SPIDR: variants seen among roughly 807,000 people sequenced by gnomAD.
SPIDR encodes the protein DNA repair-scaffolding protein.
In SPIDR, 93 loss-of-function variants were observed where a neutral mutation model predicts 104.6. The ratio of observed to expected loss-of-function variants is 0.89; its 90% confidence interval spans 0.75 to 1.06. The LOEUF (loss-of-function observed/expected upper bound fraction) is 1.06, where lower values mean the gene tolerates loss of function less well. SPIDR is among the 50% of genes least tolerant of loss of function. SPIDR has a pLI of 0.00. For missense variants in SPIDR, 1,154 were observed against 1,111.2 expected (o/e 1.04, Z -0.55); for synonymous variants, 431 against 416.9 (o/e 1.03, Z -0.41).
At chr8:47,447,909 C>T (rs1307219426) in intron 8 of SPIDR, among the ~76,000 whole-genome samples, 1 of 152,114 alleles carries the variant, frequency 6.6e-6, no homozygotes, top group Non-Finnish European at 1.5e-5. Context: ...AAGGTATGCA[C>T]TTTTTTTAGA....
intron 10 of SPIDR, among the ~76,000 whole-genome samples, chr8:47,644,032 A>G (rs930530689): frequency 2.0e-5 from 3 of 152,210 alleles, no homozygotes; most frequent in Non-Finnish European, 4.4e-5. Context: ...TCTGGAACTT[A>G]CGGGCTGTAC....
intron 8 of SPIDR, chr8:47,511,453 G>T (rs543324403): frequency 2.4e-5 from 19 of 783,092 alleles, no homozygotes; most frequent in Non-Finnish European, 4.0e-5. Flanking sequence ...ATCCAAGTTC[G>T]CCTGTCCACT....
chr8:47,432,369 C>T (rs535271057), intron 7 of SPIDR, among the ~76,000 whole-genome samples: 1 of 152,248 alleles, frequency 6.6e-6, no homozygotes, highest in East Asian at 1.9e-4. Context: ...TCTCTGGGTA[C>T]ACGCAAAGTG....
intron 14 of SPIDR, among the ~76,000 whole-genome samples, chr8:47,703,888 C>T (rs1451516626): frequency 6.6e-6 from 1 of 152,070 alleles, no homozygotes; most frequent in African/African-American, 2.4e-5. Context: ...GGAGAGGAGA[C>T]GGGGAGGGCC....
At chr8:47,295,590 G>A (rs978949679) in intron 5 of SPIDR, among the ~76,000 whole-genome samples, 5 of 152,052 alleles carry the variant, frequency 3.3e-5, no homozygotes, top group Non-Finnish European at 5.9e-5. Context: ...CTGAGTTAAC[G>A]TAATGTCCTC....
intron 5 of SPIDR, among the ~76,000 whole-genome samples, chr8:47,308,508 G>A (rs1452062090): frequency 6.6e-6 from 1 of 151,938 alleles, no homozygotes; most frequent in Non-Finnish European, 1.5e-5. Context: ...CCAGGAATGT[G>A]CAGGAAGTTT....
intron 7 of SPIDR, among the ~76,000 whole-genome samples, chr8:47,414,434 G>A (rs1415933187): frequency 6.6e-6 from 1 of 152,046 alleles, no homozygotes; most frequent in Non-Finnish European, 1.5e-5. Flanking sequence ...CTTAAATTTT[G>A]TTCTAGATAT....
At chr8:47,283,083 T>C (rs2038132964) in intron 2 of SPIDR, among the ~76,000 whole-genome samples, 4 of 152,208 alleles carry the variant, frequency 2.6e-5, no homozygotes, top group African/African-American at 9.6e-5. Flanking sequence ...CTCGAACTCC[T>C]GATCTCAGGT....
intron 7 of SPIDR, among the ~76,000 whole-genome samples, chr8:47,422,703 C>T (rs1016532192): frequency 5.3e-5 from 8 of 152,182 alleles, no homozygotes; most frequent in African/African-American, 9.7e-5. Flanking sequence ...GTGTCGCTCA[C>T]GCTGGGAGAT....
chr8:47,411,128 A>C (rs774286964), intron 7 of SPIDR, among the ~76,000 whole-genome samples: 17 of 152,222 alleles, frequency 1.1e-4, no homozygotes, highest in Non-Finnish European at 2.4e-4. Context: ...ATACGTGTGC[A>C]TGTGTCTTTA....
At chr8:47,344,704 T>G (rs1277821477) in intron 5 of SPIDR, among the ~76,000 whole-genome samples, 3 of 152,256 alleles carry the variant, frequency 2.0e-5, no homozygotes, top group Non-Finnish European at 2.9e-5. Context: ...TTGATTTGTA[T>G]TTCTCTGATG....
At chr8:47,458,362 T>TTTATGTTATGTTATGTTATG (rs1554711090) in intron 8 of SPIDR, among the ~76,000 whole-genome samples, 5 of 148,096 alleles carry the variant, frequency 3.4e-5, no homozygotes, top group African/African-American at 1.3e-4. Context: ...TTTATTTTAT[T>TTTATGTTATGTTATGTTATG]TTATTTTATT....
intron 1 of SPIDR, among the ~76,000 whole-genome samples, chr8:47,272,483 CTG>C (rs2035535874): frequency 6.6e-6 from 1 of 152,078 alleles, no homozygotes; most frequent in African/African-American, 2.4e-5. Flanking sequence ...GTTTAGTTGT[CTG>C]TGGATTATTG....
chr8:47,735,538 G>A lies in SPIDR; in HGVS notation c.*88G>A. The A allele has an allele frequency of 6.3e-7, 1 of 1,596,286 alleles. No individual in the cohort carries two copies. The highest frequency in any genetic ancestry group is 8.5e-7 in the Non-Finnish European group (1 of 1,170,484). ...TTTGGGGTAGTTATTTGTTAACTAT[G>A]GACACAGTGAACGTAGTTTACGATC... On this transcript the variant is annotated 3_prime_UTR_variant, in exon 20 of 20. Transcript: ENST00000297423.
intron 8 of SPIDR, among the ~76,000 whole-genome samples, chr8:47,582,827 TACACACACACACACACACACAC>T (rs72295566): frequency 2.3e-5 from 3 of 130,184 alleles, no homozygotes; most frequent in East Asian, 2.3e-4. Flanking sequence ...AACAACAAAT[TACACACACACACACACACACAC>T]ACACACACAC....
intron 8 of SPIDR, among the ~76,000 whole-genome samples, chr8:47,566,696 C>T (rs532150224): frequency 2.0e-5 from 3 of 151,994 alleles, no homozygotes; most frequent in Admixed American, 2.0e-4. Flanking sequence ...GTTTGAGCTC[C>T]TTTCACTCAG....
chr8:47,297,364 G>C (rs1586526383), intron 5 of SPIDR, among the ~76,000 whole-genome samples: 1 of 152,066 alleles, frequency 6.6e-6, no homozygotes, highest in African/African-American at 2.4e-5. Context: ...CCTTTATTGT[G>C]TATAAACACA....
intron 8 of SPIDR, among the ~76,000 whole-genome samples, chr8:47,466,185 A>T (rs2074743164): frequency 1.3e-5 from 2 of 152,160 alleles, no homozygotes; most frequent in African/African-American, 4.8e-5. Flanking sequence ...TGATAAACAT[A>T]TACAGAACTC....
chr8:47,605,765 G>A (rs1438566493), intron 10 of SPIDR, among the ~76,000 whole-genome samples: 1 of 152,170 alleles, frequency 6.6e-6, no homozygotes, highest in African/African-American at 2.4e-5. Flanking sequence ...CTTCCCATAT[G>A]ACAAGCACTC....
Sources: allele counts gnomAD v4.1 joint callset (sites outside exome capture counted in the v4.1 genomes callset), GRCh38; gene constraint gnomAD v4.1.1; transcripts MANE v1.5; gene names NCBI Gene and HGNC (gene_info 2026-07-23, HGNC 2026-07-21).